The following ANKRD44 variants were observed in gnomAD, a reference collection of about 807,000 sequenced individuals.
ANKRD44 encodes the protein serine/threonine-protein phosphatase 6 regulatory ankyrin repeat subunit B.
ANKRD44 carries 35 observed loss-of-function variants against 116.0 expected under a neutral mutation model. That is an observed-to-expected ratio of 0.30 (90% CI 0.23 to 0.40). ANKRD44 has a LOEUF of 0.40. ANKRD44 is among the 10% of genes least tolerant of loss of function. The pLI is 1.00. For missense variants in ANKRD44, 1,014 were observed against 1,242.6 expected, an observed-to-expected ratio of 0.82 and a Z score of 2.77; for synonymous variants, 435 against 461.8, an observed-to-expected ratio of 0.94 and a Z score of 0.74.
chr2:197,136,601 G>A lies in ANKRD44; in HGVS notation c.252C>T (p.Ser84=), dbSNP rs2079222527. Residue 84 remains serine, a synonymous_variant, in exon 4 of 28, where the codon TCC becomes TCT. Transcript: ENST00000282272. ...WLTPLHRAVA[S]RSEEAVQVLI... is the part of the protein sequence containing the mutation. ...TATGGTAATCACTCACTTCACTTCT[G>A]GAAGCAACAGCCCGGTGCAGTGGAG... The A allele has an allele frequency of 5.6e-6, 9 of 1,614,028 alleles. No homozygotes were observed. Among genetic ancestry groups the A allele is most frequent in the Non-Finnish European group, 7.6e-6 (9 of 1,179,914 alleles).
chr2:197,190,414 GC>G (rs1285048871), intron 1 of ANKRD44, among the ~76,000 whole-genome samples: 1 of 152,150 alleles, frequency 6.6e-6, no homozygotes, highest in African/African-American at 2.4e-5. Flanking sequence ...CAGATAACGT[GC>G]TTTGCTTCAA....
chr2:196,999,099 T>C, intron 23 of ANKRD44, 47 bp from the exon 24 acceptor site: 1 of 1,599,530 alleles, frequency 6.3e-7, no homozygotes, highest in Non-Finnish European at 8.5e-7. Flanking sequence ...TAAACTTTAT[T>C]CTCGCTAGTT....
At chr2:197,032,076 C>G (rs2076718029) in intron 16 of ANKRD44, among the ~76,000 whole-genome samples, 1 of 152,138 alleles carries the variant, frequency 6.6e-6, no homozygotes, top group Non-Finnish European at 1.5e-5. Context: ...CCCCCACTAT[C>G]ACAGATATGA....
rs968662231 is a variant in ANKRD44, at chr2:197,006,038, T to C, written c.2131-128A>G. On this transcript the variant is annotated intron_variant, in intron 20 of 27. Transcript: ENST00000282272. ...GGGTCTTTAAGGAAGGCAGACTCTG[T>C]CCTATTTCAAGGGCAGAAGGCAGGA... 8.6e-6 allele frequency: 7 copies of C among 814,102 alleles called. No individual in the cohort carries two copies. The African/African-American group carries it at 1.2e-4, about 14-fold the overall frequency. The allele number at this position is 814,102 out of a possible 1,614,324, so 50.4% of individuals were successfully genotyped here.
chr2:197,121,718 G>T (rs1262535146), intron 7 of ANKRD44, among the ~76,000 whole-genome samples, 174 bp from the exon 8 acceptor site: 9 of 152,152 alleles, frequency 5.9e-5, no homozygotes, highest in Non-Finnish European at 1.2e-4. Flanking sequence ...GTCACCCCAT[G>T]GTAAAGATCA....
intron 16 of ANKRD44, among the ~76,000 whole-genome samples, chr2:197,056,662 A>T (rs189653996): frequency 6.6e-6 from 1 of 152,186 alleles, no homozygotes; most frequent in African/African-American, 2.4e-5. Context: ...ATAATATTTT[A>T]GATGCTAGTA....
chr2:197,208,605 T>C lies in ANKRD44; in HGVS notation c.28-21499A>G, dbSNP rs144865847. 2.3e-3 allele frequency among the ~76,000 whole-genome samples: 350 copies of C among 152,038 alleles called. 1 individual carries two copies. The highest frequency in any genetic ancestry group is 7.5e-3 in the African/African-American group (313 of 41,482). On this transcript the variant is annotated intron_variant, in intron 1 of 27. Coordinates refer to ENST00000282272, the MANE Select transcript of ANKRD44 (RefSeq NM_001195144.2). ...CACGAGGTCAGGAGATTGAGACCAT[T>C]CTGGCTAACATGGTGAAACCCCGTC... is the stretch of plus-strand genomic sequence containing the variant.
intron 1 of ANKRD44, 80 bp downstream of exon 1, chr2:197,310,498 A>AGCCGCGCCCCCATCCCCCCGCCGGGC: frequency 2.1e-6 from 2 of 944,386 alleles, no homozygotes; most frequent in Non-Finnish European, 2.5e-6. Flanking sequence ...GGCGCGCTCC[A>AGCCGCGCCCCCATCCCCCCGCCGGGC]GCCGCGCCCC....
chr2:197,236,876 G>A (rs1326818482), intron 1 of ANKRD44, among the ~76,000 whole-genome samples: 2 of 152,168 alleles, frequency 1.3e-5, no homozygotes, highest in African/African-American at 4.8e-5. Context: ...ACTGTTTTTA[G>A]CTTACTCCCA....
At chr2:197,270,048 T>C (rs2082854427) in intron 1 of ANKRD44, among the ~76,000 whole-genome samples, 1 of 152,130 alleles carries the variant, frequency 6.6e-6, no homozygotes, top group Non-Finnish European at 1.5e-5. Flanking sequence ...ACCCACTCAT[T>C]GCTGGCAGCA....
intron 1 of ANKRD44, among the ~76,000 whole-genome samples, chr2:197,252,224 T>C (rs887503879): frequency 1.3e-5 from 2 of 152,180 alleles, no homozygotes; most frequent in African/African-American, 2.4e-5. Context: ...CAAACACTTT[T>C]GGACTCCACC....
At chr2:197,015,330 G>T in intron 17 of ANKRD44, 1 of 486,530 alleles carries the variant, frequency 2.1e-6, no homozygotes, top group South Asian at 1.8e-5. Flanking sequence ...TAAAAGGTAT[G>T]GCAAGATTAC....
chr2:197,093,116 A>C (rs370052099), intron 10 of ANKRD44, among the ~76,000 whole-genome samples: 2 of 145,424 alleles, frequency 1.4e-5, no homozygotes, highest in East Asian at 4.0e-4. Flanking sequence ...ACACACACAC[A>C]CACACACATA....
chr2:197,204,630 G>T (rs78725168), intron 1 of ANKRD44, among the ~76,000 whole-genome samples: 2,448 of 152,248 alleles, frequency 0.016, 80 homozygotes, highest in African/African-American at 0.055. Flanking sequence ...AGCTCCAGAC[G>T]TTTCAGTGAA....
At position 197,114,804 on chromosome 2, in the gene ANKRD44, A is replaced by G. The variant is rs537422276; in HGVS notation, c.907-3960T>C. On this transcript the variant is annotated intron_variant, in intron 8 of 27. Coordinates refer to ENST00000282272, the MANE Select transcript of ANKRD44 (RefSeq NM_001195144.2). ...GTCAAATAAGGTGAGAAACCCAATA[A>G]GTCTTCCTAATTCAATGCAAGAGCC... Among the ~76,000 whole-genome samples the G allele has an allele frequency of 3.3e-5, 5 of 152,306 alleles. No homozygotes were observed. In the South Asian group the frequency reaches 8.3e-4, roughly 25 times the overall value.
intron 1 of ANKRD44, among the ~76,000 whole-genome samples, chr2:197,241,620 AT>A (rs2082091164): frequency 6.6e-6 from 1 of 152,192 alleles, no homozygotes; most frequent in Non-Finnish European, 1.5e-5. Flanking sequence ...GTTATGTAAA[AT>A]TTAAAAAAAA....
At chr2:197,111,626 G>A (rs1273574334) in intron 8 of ANKRD44, among the ~76,000 whole-genome samples, 1 of 134,170 alleles carries the variant, frequency 7.5e-6, no homozygotes, top group Non-Finnish European at 1.6e-5. Context: ...GTGACAGAGT[G>A]AGACTCTGTC....
intron 1 of ANKRD44, among the ~76,000 whole-genome samples, chr2:197,274,647 T>C (rs1339922230): frequency 1.3e-5 from 2 of 152,212 alleles, no homozygotes; most frequent in African/African-American, 4.8e-5. Context: ...CCTTCCTACA[T>C]GTTGGTCCCT....
intron 27 of ANKRD44, chr2:196,990,545 C>T (rs1408251014): frequency 1.1e-5 from 14 of 1,229,628 alleles, no homozygotes; most frequent in East Asian, 3.2e-5. Context: ...TGCCCTCCCT[C>T]GATTAATTCC....
Sources: allele counts gnomAD v4.1 joint callset (sites outside exome capture counted in the v4.1 genomes callset), GRCh38; gene constraint gnomAD v4.1.1; transcripts MANE v1.5; gene names NCBI Gene and HGNC (gene_info 2026-07-23, HGNC 2026-07-21).